Variants in ZNF623 observed in about 807,000 individuals in gnomAD.
ZNF623 encodes the protein zinc finger protein 623.
ZNF623 carries 16 observed loss-of-function variants against 24.0 expected under a neutral mutation model. The ratio of observed to expected loss-of-function variants is 0.67; its 90% CI spans 0.45 to 1.01. The LOEUF (loss-of-function observed/expected upper bound fraction) is 1.01, where lower values mean the gene tolerates loss of function less well. Ranked by LOEUF, ZNF623 falls within the 50% of genes least tolerant of loss-of-function variation. The pLI is 0.00. For missense variants in ZNF623, 566 were observed against 606.5 expected, an observed-to-expected ratio of 0.93 and a Z score of 0.70; for synonymous variants, 224 against 219.8, an observed-to-expected ratio of 1.02 and a Z score of -0.17.
intron 1 of ZNF623, among the ~76,000 whole-genome samples, chr8:143,643,465 C>A (rs1422810335): frequency 6.6e-6 from 1 of 152,198 alleles, no homozygotes. Context: ...GGGTGGAGTC[C>A]CCTTCTTGGA....
At chr8:143,636,580 G>T (rs1814929002) in intron 1 of ZNF623, among the ~76,000 whole-genome samples, 1 of 152,184 alleles carries the variant, frequency 6.6e-6, no homozygotes, top group Non-Finnish European at 1.5e-5. Flanking sequence ...GCGTTCCCGC[G>T]GCTGTGCCTG....
chr8:143,641,338 AG>A (rs1371971546), intron 1 of ZNF623, among the ~76,000 whole-genome samples: 1 of 152,108 alleles, frequency 6.6e-6, no homozygotes, highest in Non-Finnish European at 1.5e-5. Context: ...ACTCCCAGCC[AG>A]GGGCTGCAGA....
intron 1 of ZNF623, 94 bp downstream of exon 1, chr8:143,636,239 CGAGAGGGCCGGGCGGGGTCCGCA>C (rs1814917225): frequency 6.6e-6 from 1 of 152,080 alleles, no homozygotes; most frequent in Non-Finnish European, 1.5e-5. Flanking sequence ...CACAGTCCGC[CGAGAGGGCCGGGCGGGGTCCGCA>C]GGCCGCTGCC....
Position 143,649,932 on chromosome 8 carries a change from T to G in ZNF623, c.-61T>G. On this transcript the variant is annotated 5_prime_UTR_variant, in exon 2 of 2. Coordinates refer to ENST00000526926, the MANE Select transcript of ZNF623 (RefSeq NM_001261843.2). ...TAGGAACTGGTGAGAAGAAGGTGAC[T>G]GAAGCCTGGATTTCTGAGGATGAAA... is the stretch of plus-strand genomic sequence containing the variant. 5.0e-6 allele frequency: 8 copies of G among 1,613,496 alleles called. No homozygotes were observed. The highest frequency in any genetic ancestry group is 6.8e-6 in the Non-Finnish European group (8 of 1,179,436).
rs548432537 is a variant in ZNF623 at position 143,636,771 on chromosome 8, T to C, written c.-96+626T>C. On this transcript the variant is annotated intron_variant, in intron 1 of 1. Coordinates refer to ENST00000526926, the MANE Select transcript of ZNF623 (RefSeq NM_001261843.2). ...ATGGGGAGAGGTGGTGTGGCTACGC[T>C]GTCCTGCTTTTTCTTGAAGGTACCC... 2.6e-5 allele frequency among the ~76,000 whole-genome samples: 4 copies of C among 152,316 alleles called. No individual in the cohort carries two copies. In the South Asian group the frequency reaches 8.3e-4, roughly 32 times the overall value.
chr8:143,640,552 C>T (rs1280869798), intron 1 of ZNF623, among the ~76,000 whole-genome samples: 2 of 152,238 alleles, frequency 1.3e-5, no homozygotes, highest in Non-Finnish European at 2.9e-5. Flanking sequence ...ATGGAATCTT[C>T]AAAATCCTTT....
Position 143,649,815 on chromosome 8 carries a change from A to AT in ZNF623, c.-95-82dup, listed in dbSNP as rs1346915238. On this transcript the variant is annotated intron_variant, in intron 1 of 1. Transcript: ENST00000526926. ...AGAGGAAACACTTTCCACCTCTTGG[A>AT]TATGGATTTTATCCTGCCCTGATTC... 3 of 1,519,914 alleles carry AT rather than the reference A, an allele frequency of 2.0e-6. No individual in the cohort carries two copies. The East Asian group carries it at 6.8e-5, about 34-fold the overall frequency. The allele number at this position is 1,519,914 out of a possible 1,614,324, so 94.2% of individuals were successfully genotyped here. A position where few individuals can be genotyped will look rare whatever the true frequency, so the allele number is the denominator to read the frequency against.
At chr8:143,643,377 C>T (rs72693307) in intron 1 of ZNF623, among the ~76,000 whole-genome samples, 15,917 of 152,252 alleles carry the variant, frequency 0.1, 1,028 homozygotes, top group Admixed American at 0.16. Context: ...GTAACAAATG[C>T]ATGCTGCTTT....
intron 1 of ZNF623, among the ~76,000 whole-genome samples, chr8:143,647,404 C>T (rs1039415636): frequency 4.6e-5 from 7 of 152,064 alleles, no homozygotes; most frequent in Non-Finnish European, 1.0e-4. Context: ...CCTCGTGGTC[C>T]GCCCGCCTCT....
chr8:143,651,190 T>C lies in ZNF623; in HGVS notation c.1198T>C (p.Phe400Leu), dbSNP rs1202347587. The C allele has an allele frequency of 6.2e-7, 1 of 1,614,060 alleles. No homozygotes were observed. Among genetic ancestry groups the C allele is most frequent in the East Asian group, 2.2e-5 (1 of 44,884 alleles). Residue 400 changes from phenylalanine to leucine, a missense_variant, in exon 2 of 2, where the codon TTC (phenylalanine) becomes CTC (leucine). Phe to Leu is a conservative substitution (Grantham distance 22). This residue lies in a region of ZNF623 where 136 missense variants were observed against 131.9 expected (regional missense o/e 1.03). Coordinates refer to ENST00000526926, the MANE Select transcript of ZNF623 (RefSeq NM_001261843.2). ...PFECKDCGKA[F>L]IQSSKLLLHQ... ...CGAATGTAAAGACTGTGGGAAAGCC[T>C]TCATCCAGAGCTCCAAGCTGCTTCT... is the stretch of plus-strand genomic sequence containing the variant.
intron 1 of ZNF623, among the ~76,000 whole-genome samples, chr8:143,645,255 A>AGC (rs1554604864): frequency 3.9e-5 from 6 of 152,088 alleles, no homozygotes; most frequent in East Asian, 1.9e-4. Flanking sequence ...CATCCTGGCT[A>AGC]ACGGTGAAAC....
At position 143,651,433 on chromosome 8, in the gene ZNF623, C is replaced by T. The variant is rs923621490; in HGVS notation, c.1441C>T (p.His481Tyr). ...EGLSLSKAPI[H>Y]LGERSVDKGE... ...ACTCTCCTTGAGTAAGGCCCCCATA[C>T]ATTTGGGTGAGAGGTCTGTAGATAA... is the stretch of plus-strand genomic sequence containing the variant. Residue 481 changes from histidine (H) to tyrosine (Y), a missense_variant, in exon 2 of 2, where the codon CAT (histidine) becomes TAT (tyrosine). Physicochemically the swap from His to Tyr is moderately conservative, Grantham distance 83. Transcript: ENST00000526926. 2.5e-6 allele frequency: 4 copies of T among 1,609,476 alleles called. No homozygotes were observed. Among genetic ancestry groups the T allele is most frequent in the Non-Finnish European group, 3.4e-6 (4 of 1,178,396 alleles).
intron 1 of ZNF623, among the ~76,000 whole-genome samples, chr8:143,645,001 G>A (rs909646086): frequency 6.6e-6 from 1 of 151,972 alleles, no homozygotes; most frequent in African/African-American, 2.4e-5. Context: ...GATGGCGCAA[G>A]CCTATAATCC....
chr8:143,642,602 T>C (rs988103899), intron 1 of ZNF623, among the ~76,000 whole-genome samples: 5 of 152,082 alleles, frequency 3.3e-5, no homozygotes, highest in African/African-American at 1.2e-4. Flanking sequence ...TGGTTTAAAG[T>C]GAGAGATGTG....
chr8:143,645,186 G>C (rs1308184701), intron 1 of ZNF623, among the ~76,000 whole-genome samples: 1 of 150,786 alleles, frequency 6.6e-6, no homozygotes, highest in East Asian at 2.0e-4. Context: ...GCTCATGCCT[G>C]TAATCCCAGC....
chr8:143,649,698 A>G lies in ZNF623; in HGVS notation c.-95-200A>G, dbSNP rs143226893. On this transcript the variant is annotated intron_variant, in intron 1 of 1. Transcript: ENST00000526926. Reference sequence around the variant, plus strand: ...GTCTGTCCTGGTGTTGGATGTTAAAAGTGGAGCCACAAAGAAGCCATCTTA... The same window carrying G: ...GTCTGTCCTGGTGTTGGATGTTAAAGGTGGAGCCACAAAGAAGCCATCTTA... The G allele has an allele frequency of 1.5e-4, 93 of 620,036 alleles. No individual in the cohort carries two copies. In the East Asian group the frequency reaches 2.5e-3, roughly 17 times the overall value. 38.4% of individuals were successfully genotyped at this position (620,036 alleles called of 1,614,324 possible).
Position 143,651,410 on chromosome 8 carries a change from T to C in ZNF623, c.1418T>C (p.Leu473Pro). 6.2e-7 allele frequency: 1 copy of C among 1,613,492 alleles called. No individual in the cohort carries two copies. The highest frequency in any genetic ancestry group is 8.5e-7 in the Non-Finnish European group (1 of 1,179,780). Residue 473 changes from leucine to proline, a missense_variant, in exon 2 of 2, where the codon CTC becomes CCC. Around this residue, in one of 3 missense-constraint regions of ZNF623, gnomAD observed 136 missense variants for 131.9 expected, o/e 1.03. Transcript: ENST00000526926. ...AATCAAAGGGTTCACCAAGAGGGAC[T>C]CTCCTTGAGTAAGGCCCCCATACAT... ...KNNQRVHQEGLSLSKAPIHLG... is the reference protein window; with the variant it reads ...KNNQRVHQEGPSLSKAPIHLG...
In ZNF623 at chr8:143,650,965, C is replaced by CATCAGA. The variant is rs767112994; in HGVS notation, c.974_979dup (p.Gln326_Arg327insAsnGln). ...CAGCCAGACGTCAAACTTCACCCAGCATCAGAGAATTCACACTGGAGAGAA... is the reference window on the plus strand; with the variant it reads ...CAGCCAGACGTCAAACTTCACCCAGCATCAGAATCAGAGAATTCACACTGGAGAGAA... On this transcript the variant is annotated inframe_insertion, in exon 2 of 2. Coordinates refer to ENST00000526926, the MANE Select transcript of ZNF623 (RefSeq NM_001261843.2). The surrounding 1 kb of genome is among the most constrained non-coding windows in gnomAD (Gnocchi z 5.2). 6.2e-7 allele frequency: 1 copy of CATCAGA among 1,614,114 alleles called. No homozygotes were observed. Among genetic ancestry groups the CATCAGA allele is most frequent in the South Asian group, 1.1e-5 (1 of 91,088 alleles).
chr8:143,638,778 TAAAAA>T (rs890030632), intron 1 of ZNF623, among the ~76,000 whole-genome samples: 1 of 150,382 alleles, frequency 6.6e-6, no homozygotes. Context: ...ATATATCAAA[TAAAAA>T]AAAATAAACA....
Sources: gnomAD v4.1 joint callset for allele counts (sites outside exome capture counted in the v4.1 genomes callset) on GRCh38, gnomAD v4.1.1 for gene constraint, gnomAD v4.1.1 regional missense constraint, Gnocchi (gnomAD v3.1) non-coding constraint, MANE v1.5 for transcripts, NCBI Gene and HGNC (gene_info 2026-07-23, HGNC 2026-07-21) for gene names.